Variants in PTK2 observed in about 807,000 individuals in gnomAD.
PTK2 encodes the protein focal adhesion kinase 1.
Under a neutral mutation model 150.1 loss-of-function variants are expected in PTK2, and 45 were observed. That is an observed-to-expected ratio of 0.30 (90% confidence interval 0.24 to 0.38). PTK2 has a LOEUF of 0.38. PTK2 is among the 10% of genes least tolerant of loss of function. The pLI is 1.00. For synonymous variants in PTK2, 432 were observed against 449.2 expected (o/e 0.96, Z 0.48); for missense variants, 919 against 1,307.3 (o/e 0.70, Z 4.58).
At chr8:140,686,140 C>A (rs936968528) in intron 27 of PTK2, among the ~76,000 whole-genome samples, 3 of 152,142 alleles carry the variant, frequency 2.0e-5, no homozygotes, top group Non-Finnish European at 4.4e-5. Context: ...AATGCAGGAA[C>A]AGAAAACCAA....
chr8:140,711,680 A>C (rs924425844), intron 23 of PTK2, among the ~76,000 whole-genome samples: 3 of 152,192 alleles, frequency 2.0e-5, no homozygotes, highest in Non-Finnish European at 4.4e-5. Context: ...AATTCCTATC[A>C]GTTATAGCTG....
intron 8 of PTK2, among the ~76,000 whole-genome samples, chr8:140,825,138 T>C (rs1032868060): frequency 6.6e-6 from 1 of 152,202 alleles, no homozygotes; most frequent in Non-Finnish European, 1.5e-5. Flanking sequence ...AAACACCAAA[T>C]GCTTTAAATG....
intron 1 of PTK2, among the ~76,000 whole-genome samples, chr8:140,989,640 G>A (rs2100194893): frequency 1.3e-5 from 2 of 152,102 alleles, no homozygotes; most frequent in Non-Finnish European, 2.9e-5. Context: ...TGGGCACGGT[G>A]GCTCACACCT....
rs957421037 is a variant in PTK2 at position 140,715,179 on chromosome 8, T to G, written c.2142+2419A>C. Among the ~76,000 whole-genome samples the G allele has an allele frequency of 7.7e-4, 102 of 132,802 alleles. 3 individuals carry two copies. The highest frequency in any genetic ancestry group is 2.6e-3 in the African/African-American group (90 of 35,092). The allele number at this position is 132,802 out of a possible 152,430, so 87.1% of individuals were successfully genotyped here. A position where few individuals can be genotyped will look rare whatever the true frequency, so the allele number is the denominator to read the frequency against. ...CGTTTTTTTTTTTTTTTTTTTTTTT[T>G]TTTTTTTTTTTTTGAGAGAGTCTCA... is the stretch of plus-strand genomic sequence containing the variant. On this transcript the variant is annotated intron_variant, in intron 23 of 31. Coordinates refer to ENST00000522684, the Ensembl canonical transcript of PTK2.
At chr8:140,752,076 G>A (rs2100063051) in intron 17 of PTK2, 156 bp downstream of exon 20, 5 of 711,342 alleles carry the variant, frequency 7.0e-6, no homozygotes, top group Non-Finnish European at 1.2e-5. Context: ...GTAGATAGGT[G>A]CTTGTACAAA....
intron 29 of PTK2, chr8:140,669,180 AC>A (rs2094148570): frequency 1.3e-5 from 2 of 151,912 alleles, no homozygotes; most frequent in African/African-American, 4.8e-5. Flanking sequence ...CACAGAAGAG[AC>A]ATCAACAAAT....
intron 2 of PTK2, among the ~76,000 whole-genome samples, chr8:140,922,818 G>A (rs1231887373): frequency 6.6e-6 from 1 of 152,090 alleles, no homozygotes; most frequent in Non-Finnish European, 1.5e-5. Context: ...AAGCCCACTC[G>A]GTCATCTACG....
chr8:140,916,028 C>A (rs1054711992), intron 2 of PTK2, among the ~76,000 whole-genome samples: 1 of 152,030 alleles, frequency 6.6e-6, no homozygotes, highest in African/African-American at 2.4e-5. Flanking sequence ...ATAATGAGGA[C>A]CAGAAAAAGA....
intron 2 of PTK2, among the ~76,000 whole-genome samples, chr8:140,903,418 G>A (rs763695523): frequency 2.0e-5 from 3 of 152,148 alleles, no homozygotes; most frequent in African/African-American, 7.2e-5. Flanking sequence ...TTGTAGGATA[G>A]GTTGAAGTCA....
intron 1 of PTK2, among the ~76,000 whole-genome samples, chr8:140,953,693 C>G (rs2100180251): frequency 6.6e-6 from 1 of 152,146 alleles, no homozygotes; most frequent in African/African-American, 2.4e-5. Flanking sequence ...AAAAGCAAAA[C>G]CACAGACTGG....
chr8:140,840,576 G>A (rs565113189), intron 7 of PTK2, among the ~76,000 whole-genome samples: 2 of 152,200 alleles, frequency 1.3e-5, no homozygotes, highest in African/African-American at 4.8e-5. Context: ...TCTGGAGTTG[G>A]TTAATATAGA....
At chr8:140,694,217 T>A (rs1303703677) in intron 26 of PTK2, among the ~76,000 whole-genome samples, 1 of 151,802 alleles carries the variant, frequency 6.6e-6, no homozygotes, top group Admixed American at 6.6e-5. Flanking sequence ...ATTTTTTGTA[T>A]TTTTTAGTAG....
intron 1 of PTK2, among the ~76,000 whole-genome samples, chr8:140,928,804 T>C (rs2100170635): frequency 6.6e-6 from 1 of 152,116 alleles, no homozygotes; most frequent in Admixed American, 6.5e-5. Context: ...GAAGCTGCTT[T>C]ATGGGCATAG....
chr8:140,966,720 T>C (rs1249087044), intron 1 of PTK2, among the ~76,000 whole-genome samples: 1 of 152,238 alleles, frequency 6.6e-6, no homozygotes, highest in Non-Finnish European at 1.5e-5. Context: ...TATACATGTT[T>C]ATCTCCACAT....
At chr8:140,910,836 T>C (rs2100162833) in intron 2 of PTK2, among the ~76,000 whole-genome samples, 1 of 152,008 alleles carries the variant, frequency 6.6e-6, no homozygotes, top group African/African-American at 2.4e-5. Flanking sequence ...TCAAGCTCTT[T>C]ACCTCCTTCC....
At chr8:140,856,382 A>C (rs1003756232) in intron 5 of PTK2, among the ~76,000 whole-genome samples, 4 of 142,268 alleles carry the variant, frequency 2.8e-5, no homozygotes, top group Non-Finnish European at 4.4e-5. Flanking sequence ...AAAACAAAAC[A>C]AAACAAAACA....
At chr8:140,747,865 T>C (rs2100060344) in intron 17 of PTK2, among the ~76,000 whole-genome samples, 1 of 152,038 alleles carries the variant, frequency 6.6e-6, no homozygotes, top group African/African-American at 2.4e-5. Flanking sequence ...ATATGTGACC[T>C]TGGGGTAGCT....
At chr8:140,683,162 G>T (rs11995103) in intron 27 of PTK2, among the ~76,000 whole-genome samples, 2 of 151,850 alleles carry the variant, frequency 1.3e-5, no homozygotes, top group African/African-American at 2.4e-5. Context: ...CAACGACAAA[G>T]GGGACATTAC....
chr8:140,979,098 CG>C (rs2100190422), intron 1 of PTK2, among the ~76,000 whole-genome samples: 1 of 103,276 alleles, frequency 9.7e-6, no homozygotes, highest in African/African-American at 4.0e-5. Flanking sequence ...CATCACACAC[CG>C]GGGCCTGTTG....
Sources: gnomAD v4.1 joint callset for allele counts (sites outside exome capture counted in the v4.1 genomes callset) on GRCh38, gnomAD v4.1.1 for gene constraint, MANE v1.5 for transcripts, NCBI Gene and HGNC (gene_info 2026-07-23, HGNC 2026-07-21) for gene names.